The following ANO6 variants were observed in gnomAD, a reference collection of about 807,000 sequenced individuals.
ANO6 encodes the protein anoctamin-6.
ANO6 carries 106 observed loss-of-function variants against 117.5 expected under a neutral mutation model. That is an observed-to-expected ratio of 0.90 (90% confidence interval 0.77 to 1.06). The LOEUF is 1.06. ANO6 is among the 50% of genes least tolerant of loss of function. The probability of loss-of-function intolerance (pLI) is 0.00; values close to 1 mark genes in which losing one functional copy is unlikely to be tolerated. For synonymous variants in ANO6, 367 were observed against 385.1 expected, an observed-to-expected ratio of 0.95 and a Z score of 0.55; for missense variants, 955 against 1,121.1, an observed-to-expected ratio of 0.85 and a Z score of 2.12.
intron 1 of ANO6, among the ~76,000 whole-genome samples, chr12:45,282,173 A>T (rs1434119775): frequency 6.6e-6 from 1 of 152,210 alleles, no homozygotes; most frequent in East Asian, 1.9e-4. Context: ...TGTGGTTGAG[A>T]GGGAAGCATA....
chr12:45,439,652 T>C, intron 19 of ANO6: 1 of 1,191,522 alleles, frequency 8.4e-7, no homozygotes, highest in Non-Finnish European at 1.1e-6. Flanking sequence ...AATTGCTTTT[T>C]TTTTTTTTTT....
At chr12:45,279,935 A>G (rs1001466682) in intron 1 of ANO6, among the ~76,000 whole-genome samples, 2 of 152,184 alleles carry the variant, frequency 1.3e-5, no homozygotes, top group Non-Finnish European at 1.5e-5. Context: ...TGCAACCCAC[A>G]TTTCATGAAC....
At chr12:45,246,391 A>G (rs1009118764) in intron 1 of ANO6, among the ~76,000 whole-genome samples, 1 of 152,144 alleles carries the variant, frequency 6.6e-6, no homozygotes, top group Non-Finnish European at 1.5e-5. Context: ...CTGGGTCAAT[A>G]GAGTGCTGGA....
At chr12:45,255,896 C>T (rs1937807127) in intron 1 of ANO6, among the ~76,000 whole-genome samples, 1 of 147,690 alleles carries the variant, frequency 6.8e-6, no homozygotes, top group African/African-American at 2.5e-5. Context: ...TCTCGGCTCA[C>T]TGCAACCTCT....
intron 2 of ANO6, among the ~76,000 whole-genome samples, chr12:45,319,512 G>A (rs902166191): frequency 2.0e-4 from 31 of 152,146 alleles, no homozygotes; most frequent in Non-Finnish European, 7.4e-5. Context: ...GCTGGATTTG[G>A]TTTGCCAGTA....
chr12:45,255,218 C>T (rs937934001), intron 1 of ANO6, among the ~76,000 whole-genome samples: 1 of 152,206 alleles, frequency 6.6e-6, no homozygotes, highest in African/African-American at 2.4e-5. Context: ...TAATCTTGGT[C>T]ACCTTTAAAT....
chr12:45,333,537 C>T (rs1396459780), intron 3 of ANO6, among the ~76,000 whole-genome samples: 1 of 152,000 alleles, frequency 6.6e-6, no homozygotes, highest in African/African-American at 2.4e-5. Flanking sequence ...TTAATCAGTT[C>T]TGCATTTGCT....
At chr12:45,255,818 G>GGTTTT (rs749001458) in intron 1 of ANO6, among the ~76,000 whole-genome samples, 7 of 81,716 alleles carry the variant, frequency 8.6e-5, no homozygotes, top group African/African-American at 3.1e-4. Context: ...CTCCCTGGGT[G>GGTTTT]TTTTTTTTTT....
At chr12:45,418,148 G>T (rs1242350482) in intron 17 of ANO6, among the ~76,000 whole-genome samples, 2 of 152,094 alleles carry the variant, frequency 1.3e-5, no homozygotes, top group Non-Finnish European at 2.9e-5. Flanking sequence ...ACTCTGACAG[G>T]TACCCCAATT....
Position 45,371,003 on chromosome 12 carries a change from G to A in ANO6, c.1104+3210G>A, listed in dbSNP as rs573931140. Among the ~76,000 whole-genome samples, 730 of 152,194 alleles carry A rather than the reference G, an allele frequency of 4.8e-3. 3 individuals are homozygous for A. The highest frequency in any genetic ancestry group is 0.016 in the African/African-American group (684 of 41,540). On this transcript the variant is annotated intron_variant, in intron 9 of 19. Transcript: ENST00000320560. ...AGTGGGCGCAGGTCAGTGGGTGCACGCACCGTGCGCGAGCCGAAGCAGGGT... is the reference window on the plus strand; with the variant it reads ...AGTGGGCGCAGGTCAGTGGGTGCACACACCGTGCGCGAGCCGAAGCAGGGT...
intron 8 of ANO6, among the ~76,000 whole-genome samples, chr12:45,365,638 A>G (rs1941666036): frequency 6.6e-6 from 1 of 152,150 alleles, no homozygotes; most frequent in Non-Finnish European, 1.5e-5. Context: ...TTCCCCCTTC[A>G]GTGGCTGCTA....
intron 1 of ANO6, among the ~76,000 whole-genome samples, chr12:45,273,904 G>A (rs1365818546): frequency 6.6e-6 from 1 of 152,160 alleles, no homozygotes; most frequent in Non-Finnish European, 1.5e-5. Context: ...ACAGAGGATT[G>A]TTCATTCATC....
intron 1 of ANO6, among the ~76,000 whole-genome samples, chr12:45,225,940 A>G (rs200376303): frequency 1.3e-5 from 2 of 152,202 alleles, no homozygotes; most frequent in African/African-American, 2.4e-5. Flanking sequence ...GGTAAATCAT[A>G]TGTAAAGATA....
rs796652832 is a variant in ANO6, at chr12:45,403,834, C to T, written c.1880+298C>T. Among the ~76,000 whole-genome samples, 12 of 152,306 alleles carry T rather than the reference C, an allele frequency of 7.9e-5. No individual in the cohort carries two copies. The South Asian group carries it at 1.0e-3, about 13-fold the overall frequency. Reference sequence around the variant, plus strand: ...GACTGACTAATCACAACCCTTTGAGCGACAGCACTGGTTAGAGCTGTGAAC... The same window carrying T: ...GACTGACTAATCACAACCCTTTGAGTGACAGCACTGGTTAGAGCTGTGAAC... On this transcript the variant is annotated intron_variant, in intron 15 of 19. Coordinates refer to ENST00000320560, the MANE Select transcript of ANO6 (RefSeq NM_001025356.3).
chr12:45,345,336 C>A (rs139161689), intron 3 of ANO6, among the ~76,000 whole-genome samples: 331 of 152,286 alleles, frequency 2.2e-3, no homozygotes, highest in African/African-American at 7.5e-3. Flanking sequence ...TCACCTACTT[C>A]TAGTTTATGG....
At chr12:45,420,325 G>A (rs1222685359) in intron 17 of ANO6, among the ~76,000 whole-genome samples, 1 of 152,044 alleles carries the variant, frequency 6.6e-6, no homozygotes, top group South Asian at 2.1e-4. Flanking sequence ...CTGATTACAT[G>A]TGCAAGTCTT....
At chr12:45,353,282 T>G (rs746701402) in intron 7 of ANO6, among the ~76,000 whole-genome samples, 3 of 152,012 alleles carry the variant, frequency 2.0e-5, no homozygotes, top group Non-Finnish European at 4.4e-5. Context: ...ATTACAGTCA[T>G]GAAGAGGCAC....
In ANO6 at chr12:45,429,986, CTT is replaced by C. The variant is rs1208849828; in HGVS notation, c.*679_*680del. On this transcript the variant is annotated 3_prime_UTR_variant, in exon 20 of 20. Transcript: ENST00000320560. ...ATATTTGTCCTAATCCACAGTGACACTTTTTATCTTCCAGGAGCACTCCTAGG... is the reference window on the plus strand; with the variant it reads ...ATATTTGTCCTAATCCACAGTGACACTTTATCTTCCAGGAGCACTCCTAGG... 1 of 986,180 alleles carries C rather than the reference CTT, an allele frequency of 1.0e-6. No homozygotes were observed. The highest frequency in any genetic ancestry group is 1.2e-6 in the Non-Finnish European group (1 of 830,614). 61.1% of individuals were successfully genotyped at this position (986,180 alleles called of 1,614,324 possible). A position where few individuals can be genotyped will look rare whatever the true frequency, so the allele number is the denominator to read the frequency against.
At chr12:45,323,484 G>A (rs1940350262) in intron 2 of ANO6, among the ~76,000 whole-genome samples, 1 of 152,178 alleles carries the variant, frequency 6.6e-6, no homozygotes, top group Admixed American at 6.5e-5. Flanking sequence ...ACCCAACACA[G>A]GTAGTAATGA....
Sources: allele counts gnomAD v4.1 joint callset (sites outside exome capture counted in the v4.1 genomes callset), GRCh38; gene constraint gnomAD v4.1.1; transcripts MANE v1.5; gene names NCBI Gene and HGNC (gene_info 2026-07-23, HGNC 2026-07-21).